CD209: variants seen among roughly 807,000 people sequenced by gnomAD.
The protein encoded by CD209 is CD209 molecule, also known as CD209 antigen.
CD209 carries 31 observed loss-of-function variants against 44.7 expected under a neutral mutation model. The ratio of observed to expected loss-of-function variants is 0.69; its 90% CI spans 0.52 to 0.94. CD209 has a LOEUF of 0.94. Ranked by LOEUF, CD209 falls within the 40% of genes least tolerant of loss-of-function variation. The pLI is 0.00. For missense variants in CD209, 407 were observed against 452.4 expected, an observed-to-expected ratio of 0.90 and a Z score of 0.91; for synonymous variants, 173 against 181.3, an observed-to-expected ratio of 0.95 and a Z score of 0.37.
chr19:7,747,320 T>C lies in CD209; in HGVS notation c.92A>G (p.Tyr31Cys), dbSNP rs777344893. ...GTCCTCTCTACCTGCTAAGCTCTTG[T>C]ATCCTCGAGTCTGTCGGAATCCAAG... ...RGLGFRQTRG[Y>C]KSLAGCLGHG... is the part of the protein sequence containing the mutation. Residue 31 changes from tyrosine to cysteine, a missense_variant, in exon 2 of 7, where the codon TAC becomes TGC. This residue lies in a region of CD209 where 122 missense variants were observed against 110.3 expected (regional missense o/e 1.11). Transcript: ENST00000315599. 4.8e-5 allele frequency: 77 copies of C among 1,614,132 alleles called. 3 individuals are homozygous for C. In the South Asian group the frequency reaches 8.2e-4, roughly 17 times the overall value.
At position 7,745,523 on chromosome 19, in the gene CD209, G is replaced by T; in HGVS notation, c.743C>A (p.Ala248Glu). Residue 248 changes from alanine to glutamate, a missense_variant, in exon 4 of 7, where the codon GCA becomes GAA. Coordinates refer to ENST00000315599, the MANE Select transcript of CD209 (RefSeq NM_021155.4). The stretch of plus-strand genomic sequence containing the variant: ...CCCTGGTTCCAGATACTCACCCACT[G>T]CAGCCTTCAGCTGGGTCAGCTCCTG... ...IYQELTQLKA[A>E]VERLCHPCPW... 6.2e-7 allele frequency: 1 copy of T among 1,612,214 alleles called. No individual in the cohort carries two copies. Among genetic ancestry groups the T allele is most frequent in the East Asian group, 2.2e-5 (1 of 44,892 alleles).
chr19:7,742,023 G>A lies in CD209; in HGVS notation c.*1016C>T. The A allele has an allele frequency of 3.3e-6, 1 of 306,148 alleles. No individual in the cohort carries two copies. Among genetic ancestry groups the A allele is most frequent in the South Asian group, 3.5e-5 (1 of 28,982 alleles). The allele number at this position is 306,148 out of a possible 1,614,324, so 19.0% of individuals were successfully genotyped here. ...AGTGACCGCAGCGGGGGCCGGTGCA[G>A]CCGCAGTGAGAACGGCCGGAGCCGT... On this transcript the variant is annotated 3_prime_UTR_variant, in exon 7 of 7. Transcript: ENST00000315599.
In CD209 at chr19:7,745,286, G is replaced by C. The variant is rs143254698; in HGVS notation, c.749-194C>G. On this transcript the variant is annotated intron_variant, in intron 4 of 6. Coordinates refer to ENST00000315599, the MANE Select transcript of CD209 (RefSeq NM_021155.4). ...AGGAGTCCTGGCCCCATCTCCTCCAGACTAGGAGAAGTTGGGGCTTTAGAA... is the reference window on the plus strand; with the variant it reads ...AGGAGTCCTGGCCCCATCTCCTCCACACTAGGAGAAGTTGGGGCTTTAGAA... Among the ~76,000 whole-genome samples, 964 of 152,224 alleles carry C rather than the reference G, an allele frequency of 6.3e-3. 10 individuals are homozygous for C. The highest frequency in any genetic ancestry group is 0.022 in the African/African-American group (915 of 41,514).
intron 3 of CD209, 54 bp downstream of exon 3, chr19:7,746,406 C>G: frequency 6.4e-6 from 10 of 1,568,830 alleles, no homozygotes; most frequent in Non-Finnish European, 8.8e-6. Flanking sequence ...CAGGCTGTGT[C>G]CACAGCCAAA....
chr19:7,747,324 C>T lies in CD209; in HGVS notation c.88G>A (p.Gly30Arg). The T allele has an allele frequency of 6.2e-7, 1 of 1,614,228 alleles. No homozygotes were observed. Among genetic ancestry groups the T allele is most frequent in the Admixed American group, 1.7e-5 (1 of 60,032 alleles). The change falls in exon 2 of 7, where the codon GGA becomes AGA. Residue 30 changes from glycine (G) to arginine (R), a missense_variant. Gly to Arg is a moderately radical substitution (Grantham distance 125). Transcript: ENST00000315599. ...LRGLGFRQTR[G>R]YKSLAGCLGH... The stretch of plus-strand genomic sequence containing the variant: ...TCTCTACCTGCTAAGCTCTTGTATC[C>T]TCGAGTCTGTCGGAATCCAAGGCCT...
At chr19:7,746,268 CTGT>C (rs2033819219) in intron 3 of CD209, among the ~76,000 whole-genome samples, 181 bp from the exon 4 acceptor site, 3 of 152,136 alleles carry the variant, frequency 2.0e-5, no homozygotes, top group Admixed American at 1.3e-4. Flanking sequence ...CAGATTCTTC[CTGT>C]CCTCCTCCTC....
Position 7,740,659 on chromosome 19 carries a change from A to G in CD209, c.*2380T>C. The G allele has an allele frequency of 2.6e-6, 2 of 778,678 alleles. No individual in the cohort carries two copies. The highest frequency in any genetic ancestry group is 2.4e-6 in the Non-Finnish European group (1 of 418,318). 48.2% of individuals were successfully genotyped at this position (778,678 alleles called of 1,614,324 possible). On this transcript the variant is annotated 3_prime_UTR_variant, in exon 7 of 7. Transcript: ENST00000315599. ...TGGGGAAGAGAGAGGCAAAGATTAC[A>G]TGAGGAGTGGTTGCTGAGAGAGCAG...
Position 7,744,100 on chromosome 19 carries a change from G to T in CD209, c.1013+7C>A. On this transcript the variant is annotated splice_region_variant and intron_variant, in intron 6 of 6. Transcript: ENST00000315599. Reference sequence around the variant, plus strand: ...CCAGTGGATAGGGTGCCCCTTCTGAGATCTACCTGGGCAACAGAGGTGAGC... The same window carrying T: ...CCAGTGGATAGGGTGCCCCTTCTGATATCTACCTGGGCAACAGAGGTGAGC... The T allele has an allele frequency of 6.2e-7, 1 of 1,604,134 alleles. No homozygotes were observed. Among genetic ancestry groups the T allele is most frequent in the East Asian group, 2.2e-5 (1 of 44,804 alleles).
rs2033622104 is a variant in CD209, at chr19:7,741,735, G to T, written c.*1304C>A. Reference sequence around the variant, plus strand: ...TGTGGTTTATTTGAAATACAACAATGTCCAAGAGGAAAACACTGCAACTTT... The same window carrying T: ...TGTGGTTTATTTGAAATACAACAATTTCCAAGAGGAAAACACTGCAACTTT... On this transcript the variant is annotated 3_prime_UTR_variant, in exon 7 of 7. Coordinates refer to ENST00000315599, the MANE Select transcript of CD209 (RefSeq NM_021155.4). 1.6e-6 allele frequency: 1 copy of T among 611,674 alleles called. No homozygotes were observed. Among genetic ancestry groups the T allele is most frequent in the African/African-American group, 1.9e-5 (1 of 53,494 alleles). The allele number at this position is 611,674 out of a possible 1,614,324, so 37.9% of individuals were successfully genotyped here. A position where few individuals can be genotyped will look rare whatever the true frequency, so the allele number is the denominator to read the frequency against.
chr19:7,743,939 G>C (rs541279653), intron 6 of CD209, among the ~76,000 whole-genome samples, 168 bp downstream of exon 6: 5 of 152,206 alleles, frequency 3.3e-5, no homozygotes, highest in Non-Finnish European at 7.3e-5. Context: ...CTAGGCACCT[G>C]CCATGCTGTC....
rs1454929012 is a variant in CD209 at position 7,745,087 on chromosome 19, G to A, written c.754C>T (p.Leu252=). ...CATTCCCAGGGACAGGGGTGGCACA[G>A]GCGTTCTGTTGGGGGAGGCTGGTCA... is the stretch of plus-strand genomic sequence containing the variant. ...LTQLKAAVER[L]CHPCPWEWTF... The change falls in exon 5 of 7, where the codon CTG becomes TTG. Residue 252 remains leucine (L), a synonymous_variant. Coordinates refer to ENST00000315599, the MANE Select transcript of CD209 (RefSeq NM_021155.4). 6.2e-7 allele frequency: 1 copy of A among 1,614,224 alleles called. No homozygotes were observed. The highest frequency in any genetic ancestry group is 8.5e-7 in the Non-Finnish European group (1 of 1,180,036).
Position 7,742,543 on chromosome 19 carries a change from G to T in CD209, c.*496C>A. On this transcript the variant is annotated 3_prime_UTR_variant, in exon 7 of 7. Coordinates refer to ENST00000315599, the MANE Select transcript of CD209 (RefSeq NM_021155.4). ...CCATGTATAAGACAAAGGAAGATGT[G>T]GGGGTGGAAGGGGTTGCGTGGAGCC... is the stretch of plus-strand genomic sequence containing the variant. 6.2e-6 allele frequency: 1 copy of T among 161,516 alleles called. No individual in the cohort carries two copies. The allele number at this position is 161,516 out of a possible 1,614,324, so 10.0% of individuals were successfully genotyped here.
In CD209 at chr19:7,744,131, AC is replaced by A; in HGVS notation, c.988del (p.Val330TrpfsTer127). 1 of 1,614,046 alleles carries A rather than the reference AC, an allele frequency of 6.2e-7. No individual in the cohort carries two copies. The highest frequency in any genetic ancestry group is 8.5e-7 in the Non-Finnish European group (1 of 1,179,892). ...DLNQEGTWQW[V>X]DGSPLLPSFK... is the part of the protein sequence containing the mutation. ...CCTGGGCAACAGAGGTGAGCCGTCC[AC>A]CCATTGCCACGTGCCTTCCTGATTT... On this transcript the variant is annotated frameshift_variant, in exon 6 of 7. Coordinates refer to ENST00000315599, the MANE Select transcript of CD209 (RefSeq NM_021155.4). LOFTEE classifies it low-confidence loss of function (END_TRUNC).
Position 7,741,845 on chromosome 19 carries a change from C to T in CD209, c.*1194G>A, listed in dbSNP as rs2033625645. 1 of 479,504 alleles carries T rather than the reference C, an allele frequency of 2.1e-6. No individual in the cohort carries two copies. The highest frequency in any genetic ancestry group is 1.8e-5 in the South Asian group (1 of 56,506). The allele number at this position is 479,504 out of a possible 1,614,324, so 29.7% of individuals were successfully genotyped here. On this transcript the variant is annotated 3_prime_UTR_variant, in exon 7 of 7. Coordinates refer to ENST00000315599, the MANE Select transcript of CD209 (RefSeq NM_021155.4). ...CCAAGGGGAGAGAGAGGGTGGGCCA[C>T]CACGATGAATACTACAGGCTGCGGG...
In CD209 at chr19:7,741,465, C is replaced by T. The variant is rs2033611336; in HGVS notation, c.*1574G>A. 4.4e-6 allele frequency: 2 copies of T among 459,086 alleles called. No homozygotes were observed. The highest frequency in any genetic ancestry group is 3.0e-5 in the Admixed American group (1 of 33,702). 28.4% of individuals were successfully genotyped at this position (459,086 alleles called of 1,614,324 possible). ...CTAGATCGCGCCACTGCACTCCAGC[C>T]TGGCGACAGAGCAAGACCCCATCTT... On this transcript the variant is annotated 3_prime_UTR_variant, in exon 7 of 7. Coordinates refer to ENST00000315599, the MANE Select transcript of CD209 (RefSeq NM_021155.4).
chr19:7,745,489 C>A (rs1328160912), intron 4 of CD209, 29 bp downstream of exon 4: 1 of 1,612,202 alleles, frequency 6.2e-7, no homozygotes, highest in Non-Finnish European at 8.5e-7. Context: ...CCATCTCAGG[C>A]CCAAGAAGCC....
intron 2 of CD209, 76 bp from the exon 3 acceptor site, chr19:7,746,607 C>G (rs1244113114): frequency 6.8e-7 from 1 of 1,469,898 alleles, no homozygotes; most frequent in Non-Finnish European, 9.5e-7. Flanking sequence ...GTCTAAATCC[C>G]TCAGCACCCC....
chr19:7,746,100 A>C lies in CD209; in HGVS notation c.179-13T>G. The C allele has an allele frequency of 6.2e-7, 1 of 1,613,110 alleles. No homozygotes were observed. The highest frequency in any genetic ancestry group is 8.5e-7 in the Non-Finnish European group (1 of 1,179,540). ...GGGACCTTGGACACTGGGCCAAGAA[A>C]AAAAAGGAACTGCAATTATTAAACA... On this transcript the variant is annotated splice_polypyrimidine_tract_variant and intron_variant, in intron 3 of 6. Transcript: ENST00000315599.
chr19:7,744,820 C>T, intron 5 of CD209, 121 bp downstream of exon 5: 1 of 1,362,482 alleles, frequency 7.3e-7, no homozygotes, highest in Non-Finnish European at 1.0e-6. Flanking sequence ...TCATATCCTT[C>T]TCCTCCCTTC....
Sources: gnomAD v4.1 joint callset for allele counts (sites outside exome capture counted in the v4.1 genomes callset) on GRCh38, gnomAD v4.1.1 for gene constraint, gnomAD v4.1.1 regional missense constraint, MANE v1.5 for transcripts, NCBI Gene and HGNC (gene_info 2026-07-23, HGNC 2026-07-21) for gene names.